MARCHF11: variants seen among roughly 807,000 people sequenced by gnomAD.
The protein encoded by MARCHF11 is E3 ubiquitin-protein ligase MARCHF11.
A neutral mutation model predicts 37.3 loss-of-function variants in MARCHF11; 29 were observed. That is an observed-to-expected ratio of 0.78 (90% CI 0.58 to 1.06). The LOEUF is 1.06. Among genes scored for constraint, MARCHF11 ranks in the 50% least tolerant of loss-of-function variants. The pLI is 0.00. For missense variants in MARCHF11, 482 were observed against 533.4 expected, an observed-to-expected ratio of 0.90 and a Z score of 0.95; for synonymous variants, 233 against 228.0, an observed-to-expected ratio of 1.02 and a Z score of -0.20.
rs1293976638 is a variant in MARCHF11 at position 16,090,687 on chromosome 5, T to A, written c.886+202A>T. ...CTTTAAATGGGCATTATCCTGTTAA[T>A]TTTTTTTCAAACTACACGGGAATAT... is the stretch of plus-strand genomic sequence containing the variant. On this transcript the variant is annotated intron_variant, in intron 3 of 3. Coordinates refer to ENST00000332432, the MANE Select transcript of MARCHF11 (RefSeq NM_001102562.3). Among the ~76,000 whole-genome samples the A allele has an allele frequency of 2.6e-5, 4 of 151,710 alleles. No individual in the cohort carries two copies. The East Asian group carries it at 7.7e-4, about 29-fold the overall frequency.
intron 3 of MARCHF11, among the ~76,000 whole-genome samples, chr5:16,081,696 C>T (rs1264329678): frequency 2.0e-5 from 3 of 152,210 alleles, no homozygotes; most frequent in Non-Finnish European, 2.9e-5. Context: ...CAGTGTCACA[C>T]TATCTCCTAT....
At chr5:16,087,372 G>C (rs1232371301) in intron 3 of MARCHF11, among the ~76,000 whole-genome samples, 4 of 152,086 alleles carry the variant, frequency 2.6e-5, no homozygotes, top group Admixed American at 2.0e-4. Context: ...ACCTCTCTTG[G>C]AAAAGAATTC....
chr5:16,093,618 T>G (rs1484052562), intron 2 of MARCHF11, among the ~76,000 whole-genome samples: 2 of 151,904 alleles, frequency 1.3e-5, no homozygotes, highest in African/African-American at 4.8e-5. Context: ...GTGAGGAGGG[T>G]GAATGAATGA....
chr5:16,171,177 C>A (rs145496798), intron 2 of MARCHF11, among the ~76,000 whole-genome samples: 51 of 152,050 alleles, frequency 3.4e-4, no homozygotes, highest in African/African-American at 1.1e-3. Context: ...CATATGTATA[C>A]ATGTGCCATG....
chr5:16,140,028 G>T (rs1207904241), intron 2 of MARCHF11, among the ~76,000 whole-genome samples: 2 of 152,036 alleles, frequency 1.3e-5, no homozygotes, highest in African/African-American at 4.8e-5. Context: ...AAAACACCCT[G>T]CCATCTGTAA....
In MARCHF11 at chr5:16,090,978, G is replaced by A; in HGVS notation, c.797C>T (p.Ala266Val). The A allele has an allele frequency of 6.2e-6, 10 of 1,612,346 alleles. No homozygotes were observed. The highest frequency in any genetic ancestry group is 1.3e-5 in the African/African-American group (1 of 74,530). The change falls in exon 3 of 4, where the codon GCC becomes GTC. Residue 266 changes from alanine to valine, a missense_variant. Ala to Val is a moderately conservative substitution (Grantham distance 64, BLOSUM62 0). Coordinates refer to ENST00000332432, the MANE Select transcript of MARCHF11 (RefSeq NM_001102562.3). Reference protein sequence around the residue: ...IASVTWLLWSAFSPYAVWQRK... With the variant: ...IASVTWLLWSVFSPYAVWQRK... ...CTGCCACACTGCATAGGGGCTGAAG[G>A]CTGACCAGAGGAGCCAAGTCACACT...
chr5:16,104,680 CA>C (rs35879619), intron 2 of MARCHF11, among the ~76,000 whole-genome samples: 457 of 141,858 alleles, frequency 3.2e-3, no homozygotes, highest in African/African-American at 6.7e-3. Context: ...CCATTTACCT[CA>C]AAAAAAAAAA....
intron 2 of MARCHF11, among the ~76,000 whole-genome samples, chr5:16,092,716 A>G (rs1698642384): frequency 6.6e-6 from 1 of 152,232 alleles, no homozygotes; most frequent in Admixed American, 6.5e-5. Flanking sequence ...CACGTTGTGC[A>G]TCTGTATCCC....
At chr5:16,079,809 C>A (rs1309908326) in intron 3 of MARCHF11, among the ~76,000 whole-genome samples, 1 of 152,172 alleles carries the variant, frequency 6.6e-6, no homozygotes, top group African/African-American at 2.4e-5. Context: ...ATGTCTCATT[C>A]TCTCAGAGCA....
intron 2 of MARCHF11, among the ~76,000 whole-genome samples, chr5:16,129,882 G>A (rs987359591): frequency 1.3e-5 from 2 of 151,962 alleles, no homozygotes; most frequent in African/African-American, 2.4e-5. Flanking sequence ...ACCAGAGCGA[G>A]GAAAGCCTAT....
At chr5:16,152,382 A>G (rs1737903501) in intron 2 of MARCHF11, among the ~76,000 whole-genome samples, 1 of 152,018 alleles carries the variant, frequency 6.6e-6, no homozygotes, top group South Asian at 2.1e-4. Context: ...TATGAAAGTA[A>G]TAACTGTTAT....
intron 2 of MARCHF11, among the ~76,000 whole-genome samples, chr5:16,128,646 A>G (rs760326776): frequency 5.9e-5 from 9 of 152,184 alleles, no homozygotes; most frequent in South Asian, 2.1e-4. Flanking sequence ...TTTTAGAAGA[A>G]GCTGCTATGG....
At position 16,179,072 on chromosome 5, in the gene MARCHF11, G is replaced by A. The variant is rs1339762172; in HGVS notation, c.504C>T (p.Pro168=). The A allele has an allele frequency of 2.0e-6, 3 of 1,492,748 alleles. No individual in the cohort carries two copies. The highest frequency in any genetic ancestry group is 2.7e-6 in the Non-Finnish European group (3 of 1,127,364). 92.5% of individuals were successfully genotyped at this position (1,492,748 alleles called of 1,614,324 possible). A position where few individuals can be genotyped will look rare whatever the true frequency, so the allele number is the denominator to read the frequency against. The change falls in exon 1 of 4, where the codon CCC becomes CCT. Residue 168 remains proline (P), a synonymous_variant. Transcript: ENST00000332432. ...RAGHQHQHHQ[P]ICKICFQGAE... is the part of the protein sequence containing the mutation. ...CGCCCTGGAAGCAGATCTTGCAGAT[G>A]GGCTGGTGGTGCTGGTGCTGGTGCC...
intron 2 of MARCHF11, among the ~76,000 whole-genome samples, chr5:16,167,496 T>A (rs896904082): frequency 6.6e-6 from 1 of 152,106 alleles, no homozygotes; most frequent in Admixed American, 6.6e-5. Flanking sequence ...CTAGTCAGGC[T>A]TTGAACTGAC....
chr5:16,159,449 C>T (rs932055011), intron 2 of MARCHF11, among the ~76,000 whole-genome samples: 5 of 151,934 alleles, frequency 3.3e-5, no homozygotes, highest in African/African-American at 1.2e-4. Context: ...TACTTGCACA[C>T]CATTCATTTT....
rs767283487 is a variant in MARCHF11 at position 16,067,458 on chromosome 5, T to C, written c.*13A>G. On this transcript the variant is annotated 3_prime_UTR_variant, in exon 4 of 4. Transcript: ENST00000332432. ...GTGCAGGGTGGTCCACACTGCATCA[T>C]CTTATGCTTTTGTCACACTGAAGTC... 1 of 1,610,424 alleles carries C rather than the reference T, an allele frequency of 6.2e-7. No individual in the cohort carries two copies. Among genetic ancestry groups the C allele is most frequent in the Non-Finnish European group, 8.5e-7 (1 of 1,177,014 alleles).
chr5:16,171,917 G>T (rs888967717), intron 2 of MARCHF11, among the ~76,000 whole-genome samples: 12 of 152,194 alleles, frequency 7.9e-5, no homozygotes, highest in African/African-American at 2.9e-4. Flanking sequence ...AAGCACAGAA[G>T]AGGAAGGTGT....
intron 2 of MARCHF11, 103 bp downstream of exon 2, chr5:16,177,623 T>C: frequency 1.0e-6 from 1 of 982,966 alleles, no homozygotes. Flanking sequence ...TTTCACAAAA[T>C]GTTTTTAAGT....
intron 2 of MARCHF11, among the ~76,000 whole-genome samples, chr5:16,136,133 AATG>A (rs1236926927): frequency 2.6e-5 from 4 of 152,112 alleles, no homozygotes; most frequent in Admixed American, 1.3e-4. Flanking sequence ...TCAGGAAGAA[AATG>A]ATAGTAGTTA....
Sources: allele counts gnomAD v4.1 joint callset (sites outside exome capture counted in the v4.1 genomes callset), GRCh38; gene constraint gnomAD v4.1.1; transcripts MANE v1.5; gene names NCBI Gene and HGNC (gene_info 2026-07-23, HGNC 2026-07-21).